GRID2: variants seen among roughly 807,000 people sequenced by gnomAD.
GRID2 encodes the protein glutamate ionotropic receptor delta type subunit 2, also known as glutamate receptor ionotropic, delta-2.
A neutral mutation model predicts 114.8 loss-of-function variants in GRID2; 33 were observed. That is an observed-to-expected ratio of 0.29 (90% CI 0.22 to 0.38). The LOEUF is 0.38. Among genes scored for constraint, GRID2 ranks in the 10% least tolerant of loss-of-function variants. The probability of loss-of-function intolerance (pLI) is 1.00; values close to 1 mark genes in which losing one functional copy is unlikely to be tolerated. For missense variants in GRID2, 1,184 were observed against 1,257.7 expected (o/e 0.94, Z 0.89); for synonymous variants, 505 against 449.9 (o/e 1.12, Z -1.55).
At chr4:93,678,075 T>C (rs893583803) in intron 14 of GRID2, among the ~76,000 whole-genome samples, 4 of 151,992 alleles carry the variant, frequency 2.6e-5, no homozygotes, top group Admixed American at 6.6e-5. Flanking sequence ...TACAGAGAAG[T>C]GCTTAAAGGA....
At chr4:92,927,591 G>C (rs1044903048) in intron 2 of GRID2, among the ~76,000 whole-genome samples, 1 of 151,784 alleles carries the variant, frequency 6.6e-6, no homozygotes, top group Non-Finnish European at 1.5e-5. Context: ...TTACTGGACA[G>C]TAACCATGCC....
chr4:92,402,055 A>C (rs1424159604), intron 1 of GRID2, among the ~76,000 whole-genome samples: 1 of 152,182 alleles, frequency 6.6e-6, no homozygotes, highest in Non-Finnish European at 1.5e-5. Flanking sequence ...AATTGTCTCT[A>C]TCTCAAGAAA....
chr4:92,447,506 C>G (rs1733532550), intron 1 of GRID2, among the ~76,000 whole-genome samples: 1 of 152,188 alleles, frequency 6.6e-6, no homozygotes, highest in Admixed American at 6.5e-5. Flanking sequence ...CCAGCCCACA[C>G]AGTTCTATTA....
intron 13 of GRID2, among the ~76,000 whole-genome samples, chr4:93,582,983 T>C (rs150933862): frequency 7.9e-5 from 12 of 152,260 alleles, no homozygotes; most frequent in Middle Eastern, 3.4e-3. Flanking sequence ...CTCTCTGAAG[T>C]CTCTAAGAAA....
intron 2 of GRID2, among the ~76,000 whole-genome samples, chr4:92,672,979 C>G (rs1560524312): frequency 6.6e-6 from 1 of 152,148 alleles, no homozygotes; most frequent in African/African-American, 2.4e-5. Context: ...ATTCCCCTTA[C>G]TCTTCCAAGT....
chr4:93,351,249 G>C (rs1405789644), intron 8 of GRID2, among the ~76,000 whole-genome samples: 3 of 152,006 alleles, frequency 2.0e-5, no homozygotes, highest in African/African-American at 7.2e-5. Context: ...TCTTTTCACA[G>C]CAAATAGTTA....
intron 2 of GRID2, among the ~76,000 whole-genome samples, chr4:92,892,316 G>T (rs1465242045): frequency 2.0e-5 from 3 of 151,860 alleles, no homozygotes; most frequent in Non-Finnish European, 4.4e-5. Context: ...AAAAATTGAG[G>T]GAACTTATTC....
intron 2 of GRID2, among the ~76,000 whole-genome samples, chr4:92,604,334 T>G (rs1471764921): frequency 1.3e-5 from 2 of 152,150 alleles, no homozygotes. Flanking sequence ...GTGGTACATA[T>G]ACATGATGGA....
At chr4:92,370,576 C>T (rs1407307562) in intron 1 of GRID2, among the ~76,000 whole-genome samples, 2 of 151,982 alleles carry the variant, frequency 1.3e-5, no homozygotes, top group Non-Finnish European at 2.9e-5. Flanking sequence ...GCTTGTGAGA[C>T]TCCATCTCAA....
chr4:92,815,227 A>C (rs1740835795), intron 2 of GRID2, among the ~76,000 whole-genome samples: 1 of 152,152 alleles, frequency 6.6e-6, no homozygotes, highest in African/African-American at 2.4e-5. Context: ...TTATGTGCAC[A>C]AGATATATCC....
At chr4:92,355,239 C>A (rs181938207) in intron 1 of GRID2, among the ~76,000 whole-genome samples, 2 of 151,962 alleles carry the variant, frequency 1.3e-5, no homozygotes, top group African/African-American at 4.8e-5. Flanking sequence ...AGATACATAG[C>A]TCAGAATGGC....
In GRID2 at chr4:93,356,865, T is replaced by G. The variant is rs1761386538; in HGVS notation, c.1246-38742T>G. The stretch of plus-strand genomic sequence containing the variant: ...CAATTATTTTTATGTACAAGCATTT[T>G]GGAACAGTTTTTATGACAACAAATA... On this transcript the variant is annotated intron_variant, in intron 8 of 15. Transcript: ENST00000282020. 2.0e-5 allele frequency among the ~76,000 whole-genome samples: 3 copies of G among 152,010 alleles called. No homozygotes were observed. In the South Asian group the frequency reaches 6.2e-4, roughly 31 times the overall value.
intron 2 of GRID2, among the ~76,000 whole-genome samples, chr4:92,641,741 A>G (rs1417261444): frequency 6.6e-6 from 1 of 151,716 alleles, no homozygotes; most frequent in African/African-American, 2.4e-5. Context: ...GCACCCAGGT[A>G]GTGAGTATAG....
intron 1 of GRID2, among the ~76,000 whole-genome samples, chr4:92,315,469 G>A (rs558852445): frequency 6.6e-6 from 1 of 152,220 alleles, no homozygotes; most frequent in East Asian, 1.9e-4. Context: ...CTATTTACTA[G>A]TTCATAGCTT....
intron 13 of GRID2, among the ~76,000 whole-genome samples, chr4:93,544,606 C>G (rs1003906515): frequency 6.6e-6 from 1 of 151,506 alleles, no homozygotes; most frequent in African/African-American, 2.4e-5. Context: ...GGAGAAACCC[C>G]GTCTCTACTA....
chr4:93,646,569 T>C (rs1722132523), intron 14 of GRID2, among the ~76,000 whole-genome samples: 1 of 152,162 alleles, frequency 6.6e-6, no homozygotes, highest in African/African-American at 2.4e-5. Flanking sequence ...TTGGAAATTT[T>C]TAAAGAAGCA....
chr4:92,655,348 G>T (rs1310761725), intron 2 of GRID2, among the ~76,000 whole-genome samples: 1 of 151,794 alleles, frequency 6.6e-6, no homozygotes, highest in African/African-American at 2.4e-5. Context: ...ACTCAGAGTT[G>T]CTTTGGCTAT....
chr4:92,474,680 T>C (rs1163449852), intron 1 of GRID2, among the ~76,000 whole-genome samples: 2 of 152,076 alleles, frequency 1.3e-5, no homozygotes, highest in African/African-American at 4.8e-5. Context: ...CCAACAGTTA[T>C]ATTTTTTCCT....
chr4:93,764,713 T>G (rs1456772817), intron 14 of GRID2, among the ~76,000 whole-genome samples: 1 of 152,164 alleles, frequency 6.6e-6, no homozygotes, highest in African/African-American at 2.4e-5. Context: ...GCTAAACTTA[T>G]TTCTAATAGT....
Sources: allele counts gnomAD v4.1 joint callset (sites outside exome capture counted in the v4.1 genomes callset), GRCh38; gene constraint gnomAD v4.1.1; transcripts MANE v1.5; gene names NCBI Gene and HGNC (gene_info 2026-07-23, HGNC 2026-07-21).